Variants in CEP83 observed in about 807,000 individuals in gnomAD.
CEP83 encodes centrosomal protein 83.
CEP83 carries 70 observed loss-of-function variants against 101.9 expected under a neutral mutation model. That is an observed-to-expected ratio of 0.69 (90% CI 0.57 to 0.84). The LOEUF is 0.84. Among genes scored for constraint, CEP83 ranks in the 40% least tolerant of loss-of-function variants. CEP83 has a pLI of 0.00. For missense variants in CEP83, 715 were observed against 787.2 expected (o/e 0.91, Z 1.10); for synonymous variants, 264 against 267.9 (o/e 0.99, Z 0.14).
At chr12:94,358,537 G>A (rs995448763) in intron 11 of CEP83, among the ~76,000 whole-genome samples, 1 of 152,196 alleles carries the variant, frequency 6.6e-6, no homozygotes, top group African/African-American at 2.4e-5. Context: ...GGAGGCTTTA[G>A]AGAAATTAGT....
chr12:94,411,181 G>A (rs1278498164), intron 4 of CEP83, among the ~76,000 whole-genome samples: 2 of 152,112 alleles, frequency 1.3e-5, no homozygotes, highest in African/African-American at 2.4e-5. Flanking sequence ...AATGAATAGC[G>A]TGAAAATGAT....
chr12:94,273,573 A>C, the CEP83 span, among the ~76,000 whole-genome samples: 2 of 152,096 alleles, frequency 1.3e-5, no homozygotes, highest in African/African-American at 2.4e-5. Flanking sequence ...GTACCTCTCT[A>C]AATCCCTAAA....
intron 14 of CEP83, among the ~76,000 whole-genome samples, chr12:94,330,147 G>C (rs1216440520): frequency 1.3e-5 from 2 of 152,140 alleles, no homozygotes; most frequent in East Asian, 3.8e-4. Flanking sequence ...TTAAGATAAT[G>C]GTTCCTGCAC....
chr12:94,436,092 C>T (rs1321196274), intron 1 of CEP83, among the ~76,000 whole-genome samples: 1 of 152,004 alleles, frequency 6.6e-6, no homozygotes, highest in Non-Finnish European at 1.5e-5. Context: ...AACAGCAGTC[C>T]TTCAGTTCTA....
At chr12:94,436,497 A>C (rs2065997054) in intron 1 of CEP83, among the ~76,000 whole-genome samples, 1 of 152,158 alleles carries the variant, frequency 6.6e-6, no homozygotes, top group South Asian at 2.1e-4. Flanking sequence ...TTAGAGCCCA[A>C]AGACAGGGCT....
rs559277657 is a variant in CEP83, at chr12:94,392,914, A to G, written c.549+7936T>C. On this transcript the variant is annotated intron_variant, in intron 6 of 16. Coordinates refer to ENST00000397809, the MANE Select transcript of CEP83 (RefSeq NM_016122.3). Reference sequence around the variant, plus strand: ...ATTCCTGGACAAATACACCCTCCCAAGACTAAACCAGGAAGAAGTTGAATC... The same window carrying G: ...ATTCCTGGACAAATACACCCTCCCAGGACTAAACCAGGAAGAAGTTGAATC... 3.3e-3 allele frequency among the ~76,000 whole-genome samples: 507 copies of G among 152,342 alleles called. 4 individuals carry two copies. Among genetic ancestry groups the G allele is most frequent in the African/African-American group, 0.012 (488 of 41,576 alleles).
downstream of CEP83, chr12:94,305,448 C>G (rs1343099441): frequency 1.7e-6 from 1 of 584,478 alleles, no homozygotes; most frequent in Non-Finnish European, 3.1e-6. Flanking sequence ...TTTTAGAAAG[C>G]ATACCAACCC....
chr12:94,406,321 G>A (rs529267114), intron 4 of CEP83, among the ~76,000 whole-genome samples: 8 of 151,616 alleles, frequency 5.3e-5, no homozygotes, highest in South Asian at 2.1e-4. Context: ...GTAAAACTCC[G>A]TCTCAAAAAC....
chr12:94,451,912 A>G (rs1423800778), intron 1 of CEP83, among the ~76,000 whole-genome samples: 1 of 152,184 alleles, frequency 6.6e-6, no homozygotes, highest in Admixed American at 6.5e-5. Flanking sequence ...TCTATCACCT[A>G]GTGAATGGGA....
At chr12:94,305,427 A>C (rs1384184218), downstream of CEP83, 1 of 600,914 alleles carries the variant, frequency 1.7e-6, no homozygotes, top group East Asian at 2.8e-5. Context: ...AGACCAAGGC[A>C]CATGCACAGC....
At chr12:94,330,995 A>G (rs1360651030) in intron 14 of CEP83, among the ~76,000 whole-genome samples, 1 of 152,100 alleles carries the variant, frequency 6.6e-6, no homozygotes, top group Non-Finnish European at 1.5e-5. Flanking sequence ...TTATTCTCCT[A>G]TAAGAGTTTA....
the CEP83 span, among the ~76,000 whole-genome samples, chr12:94,291,059 G>A: frequency 6.6e-6 from 1 of 152,234 alleles, no homozygotes; most frequent in South Asian, 2.1e-4. Flanking sequence ...GGGGATTTGC[G>A]AGTGCCCATC....
intron 2 of CEP83, among the ~76,000 whole-genome samples, chr12:94,415,143 A>G (rs1406051927): frequency 2.6e-5 from 4 of 152,126 alleles, no homozygotes; most frequent in Non-Finnish European, 5.9e-5. Flanking sequence ...GGCAGAAAGG[A>G]ACAAGTGAAA....
intron 1 of CEP83, among the ~76,000 whole-genome samples, chr12:94,449,901 A>C (rs1223302434): frequency 1.3e-5 from 2 of 152,126 alleles, no homozygotes; most frequent in Non-Finnish European, 2.9e-5. Context: ...ACTAACAATA[A>C]AAATCATATA....
chr12:94,449,692 G>A (rs867205000), intron 1 of CEP83, among the ~76,000 whole-genome samples: 1 of 144,344 alleles, frequency 6.9e-6, no homozygotes, highest in Non-Finnish European at 1.5e-5. Context: ...AGAATCGCAT[G>A]AGCCCAGGAG....
chr12:94,414,677 G>T (rs1010009625), intron 2 of CEP83, among the ~76,000 whole-genome samples: 1 of 152,130 alleles, frequency 6.6e-6, no homozygotes, highest in African/African-American at 2.4e-5. Context: ...ATCCAAATAA[G>T]TTAAAATAAG....
intron 1 of CEP83, among the ~76,000 whole-genome samples, chr12:94,452,093 A>T (rs561960202): frequency 6.6e-6 from 1 of 152,214 alleles, no homozygotes; most frequent in African/African-American, 2.4e-5. Context: ...CAGATGCAAA[A>T]GACTACTGTA....
At chr12:94,267,350 C>T in the CEP83 span, among the ~76,000 whole-genome samples, 6 of 152,212 alleles carry the variant, frequency 3.9e-5, no homozygotes, top group Middle Eastern at 3.4e-3. Context: ...CCTTTCATTT[C>T]GAAACATTAT....
chr12:94,276,476 A>AGGAG, the CEP83 span, among the ~76,000 whole-genome samples: 11 of 70,088 alleles, frequency 1.6e-4, no homozygotes, highest in African/African-American at 3.4e-4. Flanking sequence ...TGGAACCAGA[A>AGGAG]GGAGGGAGGG....
Sources: gnomAD v4.1 joint callset for allele counts (sites outside exome capture counted in the v4.1 genomes callset) on GRCh38, gnomAD v4.1.1 for gene constraint, MANE v1.5 for transcripts, NCBI Gene and HGNC (gene_info 2026-07-23, HGNC 2026-07-21) for gene names.